The following FAT4 variants were observed in gnomAD, a reference collection of about 807,000 sequenced individuals.
The protein encoded by FAT4 is protocadherin Fat 4.
FAT4 carries 84 observed loss-of-function variants against 303.9 expected under a neutral mutation model. The observed-to-expected ratio is 0.28, with a 90% CI of 0.23 to 0.33. FAT4 has a LOEUF of 0.33. FAT4 is among the 10% of genes least tolerant of loss of function. FAT4 has a pLI of 1.00. For missense variants in FAT4, 6,005 were observed against 6,146.8 expected, an observed-to-expected ratio of 0.98 and a Z score of 0.77; for synonymous variants, 2,307 against 2,298.8, an observed-to-expected ratio of 1.00 and a Z score of -0.10.
chr4:125,325,425 A>C (rs6534474), intron 2 of FAT4, among the ~76,000 whole-genome samples: 77,929 of 151,902 alleles, frequency 0.51, 20,731 homozygotes, highest in Non-Finnish European at 0.59. Context: ...AGTAACATAT[A>C]TTGTTGTTTT....
At chr4:125,458,832 G>A (rs550935937) in intron 10 of FAT4, among the ~76,000 whole-genome samples, 2 of 151,820 alleles carry the variant, frequency 1.3e-5, no homozygotes, top group African/African-American at 4.8e-5. Context: ...ATTAAAACAT[G>A]GTATTTTTGC....
intron 7 of FAT4, among the ~76,000 whole-genome samples, chr4:125,428,725 T>C (rs976552079): frequency 1.3e-5 from 2 of 152,226 alleles, no homozygotes; most frequent in African/African-American, 4.8e-5. Flanking sequence ...AAATTTAAAT[T>C]TGAAATTTTT....
Position 125,320,235 on chromosome 4 carries a change from A to G in FAT4, c.3824A>G (p.Tyr1275Cys), listed in dbSNP as rs979170444. ...GQVTLIGKLD[Y>C]EATPAYSLVI... ...GTAACACTAATTGGCAAATTAGACT[A>G]TGAAGCAACACCTGCCTATTCCCTT... Residue 1275 changes from tyrosine to cysteine, a missense_variant, in exon 2 of 18, where the codon TAT becomes TGT. Coordinates refer to ENST00000394329, the MANE Select transcript of FAT4 (RefSeq NM_001291303.3). 1.2e-6 allele frequency: 2 copies of G among 1,614,186 alleles called. No individual in the cohort carries two copies. The highest frequency in any genetic ancestry group is 2.2e-5 in the East Asian group (1 of 44,870).
chr4:125,460,662 C>T (rs2126068928), intron 10 of FAT4, among the ~76,000 whole-genome samples: 1 of 152,202 alleles, frequency 6.6e-6, no homozygotes, highest in Non-Finnish European at 1.5e-5. Context: ...GTATGTACCA[C>T]ATTTTCTTTA....
intron 3 of FAT4, among the ~76,000 whole-genome samples, chr4:125,405,823 A>G (rs1734578539): frequency 6.6e-6 from 1 of 152,090 alleles, no homozygotes; most frequent in African/African-American, 2.4e-5. Flanking sequence ...ATTTTTATGT[A>G]TTCTTTTAAA....
At chr4:125,365,887 G>A (rs1182091390) in intron 2 of FAT4, among the ~76,000 whole-genome samples, 1 of 152,096 alleles carries the variant, frequency 6.6e-6, no homozygotes, top group East Asian at 1.9e-4. Context: ...TGACCAGTAC[G>A]GGTCTGTGGT....
intron 5 of FAT4, among the ~76,000 whole-genome samples, chr4:125,412,172 T>C (rs1734874275): frequency 6.6e-6 from 1 of 151,904 alleles, no homozygotes; most frequent in South Asian, 2.1e-4. Flanking sequence ...ATACTTCAAA[T>C]ATTCCGGGAG....
At chr4:125,398,985 T>C (rs535687346) in intron 3 of FAT4, 70 bp downstream of exon 3, 2 of 1,447,026 alleles carry the variant, frequency 1.4e-6, no homozygotes, top group African/African-American at 1.4e-5. Context: ...CTAGGATATG[T>C]TGACTACTTT....
At chr4:125,354,289 GTA>G (rs939780643) in intron 2 of FAT4, among the ~76,000 whole-genome samples, 1 of 151,628 alleles carries the variant, frequency 6.6e-6, no homozygotes, top group Non-Finnish European at 1.5e-5. Flanking sequence ...TATTAATAAA[GTA>G]TTTTGGTAAC....
chr4:125,401,764 T>C (rs1509300), intron 3 of FAT4, among the ~76,000 whole-genome samples: 150,228 of 151,970 alleles, frequency 0.99, 74,274 homozygotes, highest in East Asian at 1. Flanking sequence ...AGTAATGGGC[T>C]AGGATACTCA....
Position 125,414,897 on chromosome 4 carries a change from A to G in FAT4, c.5934A>G (p.Gln1978=). The change falls in exon 6 of 18, where the codon CAA becomes CAG. Residue 1978 remains glutamine, a synonymous_variant. Coordinates refer to ENST00000394329, the MANE Select transcript of FAT4 (RefSeq NM_001291303.3). Reference sequence around the variant, plus strand: ...CTTTAATTTCAGGCATCAACTCTCAATTGACTTATAGCATTGCTTCAGGTG... The same window carrying G: ...CTTTAATTTCAGGCATCAACTCTCAGTTGACTTATAGCATTGCTTCAGGTG... ...VTDADDGINS[Q]LTYSIASGDS... The G allele has an allele frequency of 1.3e-6, 2 of 1,587,834 alleles. No individual in the cohort carries two copies. Among genetic ancestry groups the G allele is most frequent in the South Asian group, 1.1e-5 (1 of 88,764 alleles).
intron 2 of FAT4, among the ~76,000 whole-genome samples, chr4:125,398,470 G>A (rs1383821392): frequency 6.6e-6 from 1 of 152,142 alleles, no homozygotes. Flanking sequence ...AGCCTTGGCA[G>A]TTCCATAGTG....
At chr4:125,367,430 A>G (rs1022881679) in intron 2 of FAT4, among the ~76,000 whole-genome samples, 4 of 152,188 alleles carry the variant, frequency 2.6e-5, no homozygotes, top group Non-Finnish European at 5.9e-5. Context: ...ACTGTCAGCA[A>G]TAGACTTGAA....
intron 11 of FAT4, 121 bp from the exon 12 acceptor site, chr4:125,468,391 T>G (rs572706670): frequency 3.2e-6 from 2 of 617,534 alleles, no homozygotes; most frequent in East Asian, 3.2e-5. Context: ...TGAAATTTTT[T>G]GGAAAGTAAA....
intron 9 of FAT4, among the ~76,000 whole-genome samples, chr4:125,447,347 C>T (rs1317548409): frequency 1.3e-5 from 2 of 152,058 alleles, no homozygotes; most frequent in African/African-American, 4.8e-5. Flanking sequence ...TTAACAGATC[C>T]TCCTTTCAGT....
chr4:125,451,228 T>C lies in FAT4; in HGVS notation c.10218T>C (p.Phe3406=), dbSNP rs986973949. Residue 3406 remains phenylalanine, a synonymous_variant, in exon 10 of 18, where the codon TTT becomes TTC. Coordinates refer to ENST00000394329, the MANE Select transcript of FAT4 (RefSeq NM_001291303.3). ...TVLDANDPPI[F]TLNIYSVQIS... is the part of the protein sequence containing the mutation. The stretch of plus-strand genomic sequence containing the variant: ...TTGATGCAAATGACCCACCCATTTT[T>C]ACTCTAAACATCTACAGTGTGCAGA... 4.1e-5 allele frequency: 66 copies of C among 1,614,032 alleles called. No homozygotes were observed. Among genetic ancestry groups the C allele is most frequent in the Non-Finnish European group, 5.5e-5 (65 of 1,180,028 alleles).
intron 2 of FAT4, among the ~76,000 whole-genome samples, chr4:125,335,120 G>T (rs1184377985): frequency 6.6e-6 from 1 of 152,136 alleles, no homozygotes; most frequent in East Asian, 1.9e-4. Context: ...AGCTTTGGAT[G>T]GGAGGGACAA....
rs1189896951 is a variant in FAT4, at chr4:125,492,492, G to A, written c.*724G>A. ...CCAGAACACTGCCACCTTGCTATGC[G>A]AATGATGTTCTCAGCAGCACTTCTA... On this transcript the variant is annotated 3_prime_UTR_variant, in exon 18 of 18. Transcript: ENST00000394329. The A allele has an allele frequency of 1.3e-5, 2 of 152,168 alleles. No individual in the cohort carries two copies. The highest frequency in any genetic ancestry group is 2.4e-5 in the African/African-American group (1 of 41,440). The allele number at this position is 152,168 out of a possible 1,614,324, so 9.4% of individuals were successfully genotyped here. A position where few individuals can be genotyped will look rare whatever the true frequency, so the allele number is the denominator to read the frequency against.
chr4:125,413,275 G>T (rs1194497639), intron 5 of FAT4, among the ~76,000 whole-genome samples: 2 of 151,752 alleles, frequency 1.3e-5, no homozygotes, highest in Non-Finnish European at 3.0e-5. Flanking sequence ...CTACAATTCT[G>T]TTTCTTTCCT....
Sources: allele counts gnomAD v4.1 joint callset (sites outside exome capture counted in the v4.1 genomes callset), GRCh38; gene constraint gnomAD v4.1.1; transcripts MANE v1.5; gene names NCBI Gene and HGNC (gene_info 2026-07-23, HGNC 2026-07-21).